HNRNPM: variants seen among roughly 807,000 people sequenced by gnomAD.
HNRNPM encodes the protein CEA receptor.
In HNRNPM, 11 loss-of-function variants were observed where a neutral mutation model predicts 73.1. That is an observed-to-expected ratio of 0.15 (90% confidence interval 0.09 to 0.25). The LOEUF is 0.25. HNRNPM is among the 10% of genes least tolerant of loss of function. The pLI is 1.00. For missense variants in HNRNPM, 789 were observed against 1,067.9 expected, an observed-to-expected ratio of 0.74 and a Z score of 3.64; for synonymous variants, 407 against 355.2, an observed-to-expected ratio of 1.15 and a Z score of -1.64.
At chr19:8,466,611 T>TG (rs965305443) in intron 7 of HNRNPM, among the ~76,000 whole-genome samples, 2 of 151,990 alleles carry the variant, frequency 1.3e-5, no homozygotes, top group Non-Finnish European at 2.9e-5. Flanking sequence ...GCGGATCACT[T>TG]GAGGTCAGTT....
intron 2 of HNRNPM, chr19:8,461,931 TA>T (rs200247467): frequency 1.2e-4 from 17 of 147,312 alleles, no homozygotes; most frequent in Admixed American, 2.0e-4. Flanking sequence ...GGCCTCTTGT[TA>T]AAAAAAAAAA....
At chr19:8,466,639 A>C (rs546582998) in intron 7 of HNRNPM, among the ~76,000 whole-genome samples, 1 of 152,078 alleles carries the variant, frequency 6.6e-6, no homozygotes, top group Admixed American at 6.5e-5. Flanking sequence ...AGCCTGGCCA[A>C]CATGGTGAAA....
At chr19:8,469,142 C>CT (rs1253626366) in intron 9 of HNRNPM, among the ~76,000 whole-genome samples, 1 of 152,190 alleles carries the variant, frequency 6.6e-6, no homozygotes, top group African/African-American at 2.4e-5. Flanking sequence ...AGGCTGCACT[C>CT]TAATTCAGAA....
At chr19:8,487,286 C>G in intron 15 of HNRNPM, 1 of 573,756 alleles carries the variant, frequency 1.7e-6, no homozygotes, top group South Asian at 2.0e-5. Context: ...ATCCTTACTT[C>G]CTTTTTTCTT....
At chr19:8,486,951 A>G (rs1971356281) in intron 14 of HNRNPM, 73 bp from the exon 15 acceptor site, 2 of 1,201,766 alleles carry the variant, frequency 1.7e-6, no homozygotes, top group Admixed American at 3.4e-5. Context: ...CATGGCCCTC[A>G]GAGCCAGCTG....
intron 1 of HNRNPM, chr19:8,445,502 C>T (rs551607957): frequency 1.8e-5 from 3 of 168,620 alleles, no homozygotes; most frequent in Non-Finnish European, 3.8e-5. Context: ...CCTCTCCTCC[C>T]GGGGTCTGTT....
chr19:8,454,683 CCTT>C (rs370835717), intron 1 of HNRNPM, among the ~76,000 whole-genome samples: 1,945 of 124,226 alleles, frequency 0.016, 29 homozygotes, highest in African/African-American at 0.037. Flanking sequence ...GCCCCCCCCC[CCTT>C]TTTTTTTTTA....
chr19:8,476,198 C>T (rs540903592), intron 12 of HNRNPM, among the ~76,000 whole-genome samples: 1 of 152,220 alleles, frequency 6.6e-6, no homozygotes, highest in African/African-American at 2.4e-5. Flanking sequence ...TGAGATACGG[C>T]ACTCGGAGTG....
chr19:8,466,039 T>A (rs1969721856), intron 6 of HNRNPM, among the ~76,000 whole-genome samples, 196 bp from the exon 7 acceptor site: 1 of 152,228 alleles, frequency 6.6e-6, no homozygotes, highest in African/African-American at 2.4e-5. Flanking sequence ...ATATATTTAC[T>A]ATAGGTACAG....
chr19:8,477,493 A>G (rs1402800809), intron 12 of HNRNPM, among the ~76,000 whole-genome samples: 1 of 152,044 alleles, frequency 6.6e-6, no homozygotes, highest in Non-Finnish European at 1.5e-5. Flanking sequence ...CCTCCTCTCT[A>G]CAAAAAATAA....
At chr19:8,466,176 A>G in intron 6 of HNRNPM, 59 bp from the exon 7 acceptor site, 1 of 1,507,378 alleles carries the variant, frequency 6.6e-7, no homozygotes, top group East Asian at 2.3e-5. Flanking sequence ...ATGTAGTAAA[A>G]ATGTTGTGTT....
At chr19:8,470,360 C>T (rs1312832901) in intron 9 of HNRNPM, among the ~76,000 whole-genome samples, 1 of 152,184 alleles carries the variant, frequency 6.6e-6, no homozygotes, top group African/African-American at 2.4e-5. Flanking sequence ...TGGAGTCTCG[C>T]TCTGTCGCCC....
intron 1 of HNRNPM, among the ~76,000 whole-genome samples, chr19:8,449,857 A>G (rs1321542652): frequency 6.6e-6 from 1 of 152,168 alleles, no homozygotes; most frequent in Non-Finnish European, 1.5e-5. Context: ...TTAAAGCTGT[A>G]AGCGTGTAGG....
chr19:8,465,111 C>T (rs993862958), intron 5 of HNRNPM, among the ~76,000 whole-genome samples: 1 of 152,128 alleles, frequency 6.6e-6, no homozygotes, highest in African/African-American at 2.4e-5. Flanking sequence ...GTTTTTAGTG[C>T]TACACTTCAT....
At chr19:8,479,096 T>TTTTTTC (rs1970722135) in intron 12 of HNRNPM, among the ~76,000 whole-genome samples, 3 of 126,868 alleles carry the variant, frequency 2.4e-5, no homozygotes, top group Non-Finnish European at 4.8e-5. Flanking sequence ...TTTTTTTTTT[T>TTTTTTC]TTTTTTCAAG....
intron 12 of HNRNPM, among the ~76,000 whole-genome samples, chr19:8,474,632 G>A (rs553950851): frequency 7.2e-4 from 109 of 151,956 alleles, no homozygotes; most frequent in African/African-American, 2.4e-3. Context: ...CTATAGAGGC[G>A]TTAATAAAAA....
In HNRNPM at chr19:8,471,822, G is replaced by A. The variant is rs571380427; in HGVS notation, c.997+395G>A. Among the ~76,000 whole-genome samples, 3 of 152,202 alleles carry A rather than the reference G, an allele frequency of 2.0e-5. No individual in the cohort carries two copies. In the South Asian group the frequency reaches 6.2e-4, roughly 32 times the overall value. On this transcript the variant is annotated intron_variant, in intron 10 of 15. Transcript: ENST00000325495. ...AAGTGTCTTACCAAGACCCCTTTGGGCCCTCCTGGTGTTTGCACAGCTGCT... is the reference window on the plus strand; with the variant it reads ...AAGTGTCTTACCAAGACCCCTTTGGACCCTCCTGGTGTTTGCACAGCTGCT...
In HNRNPM at chr19:8,465,518, A is replaced by G. The variant is rs1285700410; in HGVS notation, c.630+3A>G. ...GAAGCACAGTATTTGTAGCAAATGTAAGTAAACAGAACCATCGTCTAAAGT... is the reference window on the plus strand; with the variant it reads ...GAAGCACAGTATTTGTAGCAAATGTGAGTAAACAGAACCATCGTCTAAAGT... On this transcript the variant is annotated splice_donor_region_variant and intron_variant, in intron 6 of 15. Transcript: ENST00000325495. 2 of 1,586,242 alleles carry G rather than the reference A, an allele frequency of 1.3e-6. No individual in the cohort carries two copies. The highest frequency in any genetic ancestry group is 2.7e-5 in the African/African-American group (2 of 74,020).
intron 9 of HNRNPM, 57 bp from the exon 10 acceptor site, chr19:8,471,269 G>A (rs763205863): frequency 2.0e-5 from 22 of 1,093,088 alleles, no homozygotes; most frequent in Non-Finnish European, 2.9e-5. Flanking sequence ...CTTTTCCTTT[G>A]AGGGTCAAGG....
Sources: allele counts gnomAD v4.1 joint callset (sites outside exome capture counted in the v4.1 genomes callset), GRCh38; gene constraint gnomAD v4.1.1; transcripts MANE v1.5; gene names NCBI Gene and HGNC (gene_info 2026-07-23, HGNC 2026-07-21).